Variants in DUSP16 observed in about 807,000 individuals in gnomAD.
The protein encoded by DUSP16 is dual specificity protein phosphatase 16.
In DUSP16, 21 loss-of-function variants were observed where a neutral mutation model predicts 58.3. The ratio of observed to expected loss-of-function variants is 0.36; its 90% CI spans 0.26 to 0.52. The LOEUF (loss-of-function observed/expected upper bound fraction) is 0.52, where lower values mean the gene tolerates loss of function less well. Among genes scored for constraint, DUSP16 ranks in the 20% least tolerant of loss-of-function variants. DUSP16 has a pLI of 0.94. For synonymous variants in DUSP16, 320 were observed against 323.8 expected (o/e 0.99, Z 0.12); for missense variants, 726 against 819.0 (o/e 0.89, Z 1.39).
At chr12:12,524,268 G>T (rs940515530) in intron 1 of DUSP16, among the ~76,000 whole-genome samples, 1 of 152,204 alleles carries the variant, frequency 6.6e-6, no homozygotes, top group South Asian at 2.1e-4. Flanking sequence ...AGCTGAGGAT[G>T]TAAGTGAAGC....
chr12:12,477,655 G>A lies in DUSP16; in HGVS notation c.1176C>T (p.Asp392=), dbSNP rs758026767. ...GLHLSADRLE[D]SNKLKRSFSL... is the part of the protein sequence containing the mutation. ...AGAAGGAACGCTTGAGCTTATTGCT[G>A]TCTTCCAGCCTGTCTGCGGACAGGT... Residue 392 remains aspartate, a synonymous_variant, in exon 7 of 7, where the codon GAC becomes GAT. Transcript: ENST00000298573. The surrounding 1 kb of genome is among the most constrained non-coding windows in gnomAD (Gnocchi z 4.1). The A allele has an allele frequency of 1.1e-5, 18 of 1,614,076 alleles. No individual in the cohort carries two copies. The highest frequency in any genetic ancestry group is 1.4e-5 in the Non-Finnish European group (17 of 1,180,026).
At chr12:12,490,666 C>T (rs527446346) in intron 4 of DUSP16, among the ~76,000 whole-genome samples, 1 of 152,294 alleles carries the variant, frequency 6.6e-6, no homozygotes, top group South Asian at 2.1e-4. Context: ...AAGCAAATCA[C>T]ACCTAAGTGC....
intron 1 of DUSP16, among the ~76,000 whole-genome samples, chr12:12,559,028 C>A (rs1415995548): frequency 1.3e-5 from 2 of 152,298 alleles, no homozygotes; most frequent in East Asian, 1.9e-4. Flanking sequence ...CTTCTTAAAG[C>A]CTGAGCCTGC....
intron 1 of DUSP16, among the ~76,000 whole-genome samples, chr12:12,538,738 G>A (rs1321684814): frequency 8.5e-5 from 13 of 152,250 alleles, no homozygotes; most frequent in Non-Finnish European, 1.5e-5. Flanking sequence ...TGAGGCAACA[G>A]CCTCGGCAGG....
At chr12:12,544,366 G>A (rs1944608307) in intron 1 of DUSP16, among the ~76,000 whole-genome samples, 1 of 152,122 alleles carries the variant, frequency 6.6e-6, no homozygotes, top group Non-Finnish European at 1.5e-5. Flanking sequence ...TTCCACTGAT[G>A]GACATGTGGG....
intron 5 of DUSP16, among the ~76,000 whole-genome samples, chr12:12,486,036 A>C (rs1592167362): frequency 7.0e-6 from 1 of 142,472 alleles, no homozygotes; most frequent in African/African-American, 2.6e-5. Context: ...CTCATGATCC[A>C]CCCGCCTAGG....
chr12:12,509,081 A>T (rs1212334286), intron 3 of DUSP16, among the ~76,000 whole-genome samples: 1 of 151,872 alleles, frequency 6.6e-6, no homozygotes, highest in Non-Finnish European at 1.5e-5. Context: ...GCCCAGAAAA[A>T]CTCCTCTTAA....
chr12:12,554,214 A>C (rs1425225827), intron 1 of DUSP16, among the ~76,000 whole-genome samples: 1 of 151,378 alleles, frequency 6.6e-6, no homozygotes, highest in Non-Finnish European at 1.5e-5. Flanking sequence ...AAAAAAAAAA[A>C]AAAAAGCCAA....
intron 1 of DUSP16, among the ~76,000 whole-genome samples, chr12:12,549,606 T>C (rs1376254957): frequency 6.6e-6 from 1 of 152,176 alleles, no homozygotes; most frequent in Non-Finnish European, 1.5e-5. Flanking sequence ...TCTCCCCACC[T>C]GGATGAAACA....
intron 6 of DUSP16, among the ~76,000 whole-genome samples, chr12:12,479,638 A>T (rs541009394): frequency 6.6e-6 from 1 of 152,322 alleles, no homozygotes; most frequent in East Asian, 1.9e-4. Context: ...TCCTTATCAG[A>T]TAAAAATGAA....
intron 1 of DUSP16, among the ~76,000 whole-genome samples, chr12:12,538,014 T>C (rs1944494986): frequency 6.6e-6 from 1 of 152,164 alleles, no homozygotes. Context: ...ACTTAGAAAC[T>C]TGATAAAAAT....
intron 5 of DUSP16, among the ~76,000 whole-genome samples, chr12:12,483,228 C>T (rs992418151): frequency 1.4e-4 from 21 of 152,096 alleles, no homozygotes; most frequent in Non-Finnish European, 2.5e-4. Flanking sequence ...GGAAGTAATA[C>T]TAAGAGGTGT....
chr12:12,485,912 G>A (rs1478997680), intron 5 of DUSP16, among the ~76,000 whole-genome samples: 1 of 149,342 alleles, frequency 6.7e-6, no homozygotes, highest in Non-Finnish European at 1.5e-5. Context: ...TCCTGCCTCA[G>A]CCTCCCGAGC....
chr12:12,557,251 C>A (rs887185218), intron 1 of DUSP16, among the ~76,000 whole-genome samples: 1 of 151,956 alleles, frequency 6.6e-6, no homozygotes, highest in African/African-American at 2.4e-5. Flanking sequence ...GTCAGGAGAT[C>A]GAGACCATCC....
intron 1 of DUSP16, among the ~76,000 whole-genome samples, chr12:12,534,113 C>G (rs1263919685): frequency 6.6e-6 from 1 of 152,188 alleles, no homozygotes; most frequent in East Asian, 1.9e-4. Context: ...ACTTCTCTTC[C>G]AATCCCACAG....
chr12:12,537,460 G>A (rs1944484435), intron 1 of DUSP16, among the ~76,000 whole-genome samples: 1 of 152,144 alleles, frequency 6.6e-6, no homozygotes, highest in South Asian at 2.1e-4. Context: ...GTAACCTTCA[G>A]TATCAAAGAA....
At chr12:12,551,261 G>A (rs1944721906) in intron 1 of DUSP16, among the ~76,000 whole-genome samples, 1 of 151,808 alleles carries the variant, frequency 6.6e-6, no homozygotes, top group Admixed American at 6.6e-5. Context: ...CAGCACCTCG[G>A]GAAGCCTAGG....
chr12:12,550,751 G>C (rs903794686), intron 1 of DUSP16, among the ~76,000 whole-genome samples: 1 of 152,212 alleles, frequency 6.6e-6, no homozygotes, highest in East Asian at 1.9e-4. Flanking sequence ...GGGATTGGGA[G>C]GATAGAGGAG....
rs116207082 is a variant in DUSP16, at chr12:12,504,931, G to A, written c.368-4249C>T. Among the ~76,000 whole-genome samples, 451 of 152,194 alleles carry A rather than the reference G, an allele frequency of 3.0e-3. 2 individuals are homozygous for A. Among genetic ancestry groups the A allele is most frequent in the African/African-American group, 0.01 (424 of 41,540 alleles). Reference sequence around the variant, plus strand: ...CAATATTCCAATAAATGTTCTCAAAGAGAAAACAGAGAATCCAAGGAAACA... The same window carrying A: ...CAATATTCCAATAAATGTTCTCAAAAAGAAAACAGAGAATCCAAGGAAACA... On this transcript the variant is annotated intron_variant, in intron 3 of 6. Transcript: ENST00000298573.
Sources: allele counts gnomAD v4.1 joint callset (sites outside exome capture counted in the v4.1 genomes callset), GRCh38; gene constraint gnomAD v4.1.1; non-coding constraint Gnocchi (gnomAD v3.1); transcripts MANE v1.5; gene names NCBI Gene and HGNC (gene_info 2026-07-23, HGNC 2026-07-21).